Variants in ARHGEF2 observed in about 807,000 individuals in gnomAD.
ARHGEF2 encodes Rho/Rac guanine nucleotide exchange factor 2.
ARHGEF2 carries 22 observed loss-of-function variants against 121.0 expected under a neutral mutation model. The ratio of observed to expected loss-of-function variants is 0.18; its 90% CI spans 0.13 to 0.26. The LOEUF is 0.26. ARHGEF2 is among the 10% of genes least tolerant of loss of function. ARHGEF2 has a pLI of 1.00. For missense variants in ARHGEF2, 907 were observed against 1,336.0 expected (o/e 0.68, Z 5.01); for synonymous variants, 487 against 530.0 (o/e 0.92, Z 1.11).
intron 21 of ARHGEF2, among the ~76,000 whole-genome samples, chr1:155,948,931 T>C (rs907683671): frequency 6.6e-6 from 1 of 152,006 alleles, no homozygotes. Flanking sequence ...ACAGGCTCAC[T>C]CCACCACACC....
chr1:155,951,789 G>A lies in ARHGEF2; in HGVS notation c.2173-13C>T, dbSNP rs1675518109. On this transcript the variant is annotated splice_polypyrimidine_tract_variant and intron_variant, in intron 17 of 21. Coordinates refer to ENST00000361247, the MANE Select transcript of ARHGEF2 (RefSeq NM_001162383.2). This position sits in a 1 kb window ranked among gnomAD's most constrained non-coding sequence, Gnocchi z 5.1. ...TTCCATTTCGATCCTGCAGAAATGG[G>A]CAAGAATGGGGAGTCAGCAGGCACA... is the stretch of plus-strand genomic sequence containing the variant. 5 of 1,613,820 alleles carry A rather than the reference G, an allele frequency of 3.1e-6. No individual in the cohort carries two copies. The East Asian group carries it at 1.1e-4, about 36-fold the overall frequency.
intron 11 of ARHGEF2, among the ~76,000 whole-genome samples, chr1:155,960,767 A>T (rs1677742452): frequency 6.6e-6 from 1 of 152,206 alleles, no homozygotes; most frequent in South Asian, 2.1e-4. Context: ...CTCAGGTATC[A>T]CAGTTTCCTA....
At chr1:155,957,683 A>C (rs777351140) in intron 13 of ARHGEF2, 30 bp downstream of exon 13, 6 of 1,589,048 alleles carry the variant, frequency 3.8e-6, no homozygotes, top group Middle Eastern at 2.0e-4. Context: ...TGAGGTCATA[A>C]GCACATGCAG....
intron 1 of ARHGEF2, among the ~76,000 whole-genome samples, chr1:155,976,499 TC>T (rs1007963647): frequency 1.7e-5 from 2 of 118,212 alleles, no homozygotes; most frequent in Admixed American, 1.0e-4. Context: ...GAAGAGCCAG[TC>T]CCCCCACCAC....
chr1:155,972,930 CT>C (rs1183633925), intron 1 of ARHGEF2, among the ~76,000 whole-genome samples: 4 of 151,960 alleles, frequency 2.6e-5, no homozygotes, highest in Admixed American at 2.6e-4. Flanking sequence ...TCTCGAACTC[CT>C]AGGATCAAGT....
intron 1 of ARHGEF2, chr1:155,970,957 T>G (rs1680342639): frequency 2.0e-6 from 2 of 986,464 alleles, no homozygotes; most frequent in South Asian, 9.4e-5. Flanking sequence ...CCTCCTCCTG[T>G]CTCCTGCTCT....
chr1:155,978,296 C>T lies in ARHGEF2; in HGVS notation c.63+69G>A. 2 of 1,396,146 alleles carry T rather than the reference C, an allele frequency of 1.4e-6. No individual in the cohort carries two copies. Among genetic ancestry groups the T allele is most frequent in the Non-Finnish European group, 1.9e-6 (2 of 1,051,086 alleles). 86.5% of individuals were successfully genotyped at this position (1,396,146 alleles called of 1,614,324 possible). ...AAAGCAGGCGGGGAGACAGGAGATG[C>T]ACCGCGGGTGCCGGGGTTCGGGGAG... is the stretch of plus-strand genomic sequence containing the variant. On this transcript the variant is annotated intron_variant, in intron 1 of 21. Coordinates refer to ENST00000361247, the MANE Select transcript of ARHGEF2 (RefSeq NM_001162383.2). The surrounding 1 kb of genome is among the most constrained non-coding windows in gnomAD (Gnocchi z 4.1).
rs1003776220 is a variant in ARHGEF2 at position 155,950,164 on chromosome 1, G to A, written c.2887+135C>T. On this transcript the variant is annotated intron_variant, in intron 21 of 21. Coordinates refer to ENST00000361247, the MANE Select transcript of ARHGEF2 (RefSeq NM_001162383.2). This position sits in a 1 kb window ranked among gnomAD's most constrained non-coding sequence, Gnocchi z 5.2. ...GACTTCCACCACCCATTCATCATCAGACAAAACAGGAAGTCCCTCCCTAGA... is the reference window on the plus strand; with the variant it reads ...GACTTCCACCACCCATTCATCATCAAACAAAACAGGAAGTCCCTCCCTAGA... 1.8e-6 allele frequency: 2 copies of A among 1,108,150 alleles called. No individual in the cohort carries two copies. Among genetic ancestry groups the A allele is most frequent in the Non-Finnish European group, 2.6e-6 (2 of 776,048 alleles). 68.6% of individuals were successfully genotyped at this position (1,108,150 alleles called of 1,614,324 possible).
chr1:155,947,951 G>A lies in ARHGEF2; in HGVS notation c.2952C>T (p.Ser984=), dbSNP rs1398900934. 99 of 1,550,520 alleles carry A rather than the reference G, an allele frequency of 6.4e-5. No homozygotes were observed. Among genetic ancestry groups the A allele is most frequent in the Non-Finnish European group, 8.4e-5 (96 of 1,146,602 alleles). ...TESRDGEAVA[S]ES The stretch of plus-strand genomic sequence containing the variant: ...GGGGGGAGGGGCCCCCTTAGCTCTC[G>A]GAGGCTACAGCCTCCCCGTCGCGGC... Residue 984 remains serine (S), a synonymous_variant, in exon 22 of 22, where the codon TCC becomes TCT. Transcript: ENST00000361247.
rs201229947 is a variant in ARHGEF2, at chr1:155,969,297, G to T, written c.67C>A (p.Arg23=). The T allele has an allele frequency of 3.7e-6, 6 of 1,614,056 alleles. No homozygotes were observed. The East Asian group carries it at 1.1e-4, about 30-fold the overall frequency. ...DRSRELASKT[R]EKEKMKEAKD... is the part of the protein sequence containing the mutation. Reference sequence around the variant, plus strand: ...GCTTCCTTCATCTTCTCCTTTTCCCGGGTCTGTGGAAGGGATGAGAGGGAG... The same window carrying T: ...GCTTCCTTCATCTTCTCCTTTTCCCTGGTCTGTGGAAGGGATGAGAGGGAG... The change falls in exon 2 of 22, where the codon CGG becomes AGG. Residue 23 remains arginine, a synonymous_variant. Coordinates refer to ENST00000361247, the MANE Select transcript of ARHGEF2 (RefSeq NM_001162383.2).
In ARHGEF2 at chr1:155,965,888, G is replaced by C; in HGVS notation, c.341-128C>G. On this transcript the variant is annotated intron_variant, in intron 4 of 21. Coordinates refer to ENST00000361247, the MANE Select transcript of ARHGEF2 (RefSeq NM_001162383.2). The surrounding 1 kb of genome is among the most constrained non-coding windows in gnomAD (Gnocchi z 6.0). Reference sequence around the variant, plus strand: ...CACCTCAGCCCCTCTAGTCAAGAAAGATGGTAATGAGAATGCCACCTTACA... The same window carrying C: ...CACCTCAGCCCCTCTAGTCAAGAAACATGGTAATGAGAATGCCACCTTACA... 1 of 1,187,374 alleles carries C rather than the reference G, an allele frequency of 8.4e-7. No homozygotes were observed. The highest frequency in any genetic ancestry group is 1.1e-6 in the Non-Finnish European group (1 of 886,622). 73.6% of individuals were successfully genotyped at this position (1,187,374 alleles called of 1,614,324 possible).
Position 155,965,242 on chromosome 1 carries a change from C to T in ARHGEF2, c.580+61G>A. On this transcript the variant is annotated intron_variant, in intron 6 of 21. Transcript: ENST00000361247. This position sits in a 1 kb window ranked among gnomAD's most constrained non-coding sequence, Gnocchi z 6.0. ...GTCCTTCCAGGCTACTCCCACCAGC[C>T]TCTCATCCCCCAGCCCCTCTTCATG... The T allele has an allele frequency of 1.2e-6, 2 of 1,607,192 alleles. No individual in the cohort carries two copies. Among genetic ancestry groups the T allele is most frequent in the South Asian group, 2.2e-5 (2 of 90,898 alleles).
At position 155,963,191 on chromosome 1, in the gene ARHGEF2, G is replaced by T; in HGVS notation, c.725-8C>A. 6.2e-7 allele frequency: 1 copy of T among 1,603,282 alleles called. No individual in the cohort carries two copies. Among genetic ancestry groups the T allele is most frequent in the Non-Finnish European group, 8.5e-7 (1 of 1,177,010 alleles). ...GCTCTGTCTGGATTAGCTCTGTGGG[G>T]GACATTGGGACATTTGGCCTCTACC... is the stretch of plus-strand genomic sequence containing the variant. On this transcript the variant is annotated splice_region_variant and splice_polypyrimidine_tract_variant and intron_variant, in intron 7 of 21. Transcript: ENST00000361247.
chr1:155,971,274 C>T (rs1680402535), intron 1 of ARHGEF2, among the ~76,000 whole-genome samples: 2 of 152,242 alleles, frequency 1.3e-5, no homozygotes, highest in South Asian at 4.2e-4. Flanking sequence ...CCAAATTATA[C>T]CTCTTTAGAA....
chr1:155,977,873 G>A (rs1373607886), intron 1 of ARHGEF2, among the ~76,000 whole-genome samples: 2 of 152,186 alleles, frequency 1.3e-5, no homozygotes, highest in Non-Finnish European at 2.9e-5. Context: ...AGGAAGCCGG[G>A]AAACCACCCC....
In ARHGEF2 at chr1:155,951,890, C is replaced by G; in HGVS notation, c.2172+29G>C. ...TGGCTGTCCCTCTCCCACCCTCTTGCCAAGTCCCAGAACCTCTTGAGGACC... is the reference window on the plus strand; with the variant it reads ...TGGCTGTCCCTCTCCCACCCTCTTGGCAAGTCCCAGAACCTCTTGAGGACC... On this transcript the variant is annotated intron_variant, in intron 17 of 21. Transcript: ENST00000361247. This position sits in a 1 kb window ranked among gnomAD's most constrained non-coding sequence, Gnocchi z 5.1. 1 of 1,613,598 alleles carries G rather than the reference C, an allele frequency of 6.2e-7. No individual in the cohort carries two copies. Among genetic ancestry groups the G allele is most frequent in the Non-Finnish European group, 8.5e-7 (1 of 1,179,888 alleles).
chr1:155,964,144 C>CAAA (rs71576039), intron 7 of ARHGEF2, among the ~76,000 whole-genome samples: 60 of 55,742 alleles, frequency 1.1e-3, no homozygotes, highest in African/African-American at 6.0e-3. Context: ...GACTCTGCTT[C>CAAA]AAAAAAAAAA....
chr1:155,947,314 C>A lies in ARHGEF2; in HGVS notation c.*628G>T, dbSNP rs1268283891. On this transcript the variant is annotated 3_prime_UTR_variant, in exon 22 of 22. Coordinates refer to ENST00000361247, the MANE Select transcript of ARHGEF2 (RefSeq NM_001162383.2). Reference sequence around the variant, plus strand: ...GGTTTTTTCCCTCACCCCCAACAAACCATTATGGCCACCCCAACCTTTATT... The same window carrying A: ...GGTTTTTTCCCTCACCCCCAACAAAACATTATGGCCACCCCAACCTTTATT... 1 of 455,814 alleles carries A rather than the reference C, an allele frequency of 2.2e-6. No homozygotes were observed. Among genetic ancestry groups the A allele is most frequent in the Non-Finnish European group, 4.4e-6 (1 of 226,476 alleles). The allele number at this position is 455,814 out of a possible 1,614,324, so 28.2% of individuals were successfully genotyped here. A position where few individuals can be genotyped will look rare whatever the true frequency, so the allele number is the denominator to read the frequency against.
At chr1:155,977,427 G>C (rs1681491656) in intron 1 of ARHGEF2, among the ~76,000 whole-genome samples, 1 of 152,098 alleles carries the variant, frequency 6.6e-6, no homozygotes, top group African/African-American at 2.4e-5. Flanking sequence ...TCATGATGGG[G>C]GAGGCGTGTG....
Sources: gnomAD v4.1 joint callset for allele counts (sites outside exome capture counted in the v4.1 genomes callset) on GRCh38, gnomAD v4.1.1 for gene constraint, Gnocchi (gnomAD v3.1) non-coding constraint, MANE v1.5 for transcripts, NCBI Gene and HGNC (gene_info 2026-07-23, HGNC 2026-07-21) for gene names.